The following CDK12 variants were observed in gnomAD, a reference collection of about 807,000 sequenced individuals.
CDK12 encodes cyclin-dependent kinase 12.
In CDK12, 17 loss-of-function variants were observed where a neutral mutation model predicts 133.8. That is an observed-to-expected ratio of 0.13 (90% CI 0.09 to 0.19). The LOEUF (loss-of-function observed/expected upper bound fraction) is 0.19, where lower values mean the gene tolerates loss of function less well. CDK12 is among the 10% of genes least tolerant of loss of function. CDK12 has a pLI of 1.00. For missense variants in CDK12, 1,508 were observed against 1,818.7 expected, an observed-to-expected ratio of 0.83 and a Z score of 3.11; for synonymous variants, 694 against 683.6, an observed-to-expected ratio of 1.02 and a Z score of -0.24.
chr17:39,492,157 C>T (rs1164012131), intron 3 of CDK12, among the ~76,000 whole-genome samples: 4 of 146,076 alleles, frequency 2.7e-5, no homozygotes, highest in Non-Finnish European at 3.0e-5. Flanking sequence ...AGTGCAATGG[C>T]GTGACCTTGG....
intron 7 of CDK12, 115 bp downstream of exon 7, chr17:39,509,876 C>T (rs990057468): frequency 1.3e-6 from 1 of 776,024 alleles, no homozygotes; most frequent in Non-Finnish European, 2.2e-6. Context: ...TCTCAGCTCG[C>T]TGCAGCCTCA....
downstream of CDK12, chr17:39,534,919 T>C (rs1186662685): frequency 6.6e-6 from 1 of 152,388 alleles, no homozygotes; most frequent in African/African-American, 2.4e-5. Context: ...AGAGGCTGTT[T>C]AGACCCAAAG....
At chr17:39,526,621 A>G (rs1416089482) in intron 13 of CDK12, among the ~76,000 whole-genome samples, 1 of 152,184 alleles carries the variant, frequency 6.6e-6, no homozygotes. Context: ...ATCTTGAACC[A>G]CACATCTTGA....
intron 8 of CDK12, among the ~76,000 whole-genome samples, chr17:39,514,877 C>G (rs1426879301): frequency 3.3e-5 from 5 of 152,110 alleles, no homozygotes; most frequent in African/African-American, 1.2e-4. Flanking sequence ...AATCCCTTTC[C>G]TCTACCCGTA....
chr17:39,498,232 GT>G (rs1200616730), intron 5 of CDK12, among the ~76,000 whole-genome samples: 4 of 145,290 alleles, frequency 2.8e-5, no homozygotes, highest in Admixed American at 6.9e-5. Flanking sequence ...GTTTTATTTT[GT>G]TTTTTTTTTG....
At chr17:39,536,266 A>G (rs184551755), downstream of CDK12, among the ~76,000 whole-genome samples, 1 of 152,316 alleles carries the variant, frequency 6.6e-6, no homozygotes, top group African/African-American at 2.4e-5. Context: ...TTGATTGCTT[A>G]ACCCTACCAG....
chr17:39,470,846 C>T lies in CDK12; in HGVS notation c.1047-33C>T, dbSNP rs768678277. 9 of 1,545,630 alleles carry T rather than the reference C, an allele frequency of 5.8e-6. No homozygotes were observed. In the East Asian group the frequency reaches 9.0e-5, roughly 15 times the overall value. On this transcript the variant is annotated intron_variant, in intron 1 of 13. Transcript: ENST00000447079. ...TTTTCCTCCATATACTACTGTAGTCCATTCATTTAAAACTGGCTTTTTATT... is the reference window on the plus strand; with the variant it reads ...TTTTCCTCCATATACTACTGTAGTCTATTCATTTAAAACTGGCTTTTTATT...
chr17:39,480,073 G>A (rs2050519256), intron 2 of CDK12, among the ~76,000 whole-genome samples: 1 of 151,586 alleles, frequency 6.6e-6, no homozygotes, highest in African/African-American at 2.4e-5. Context: ...ATAGGCCCCC[G>A]CCATCACGCC....
upstream of CDK12, among the ~76,000 whole-genome samples, chr17:39,548,637 C>T (rs561718396): frequency 5.3e-5 from 8 of 152,328 alleles, no homozygotes; most frequent in South Asian, 1.7e-3. Flanking sequence ...TTTGCAGCCT[C>T]AGTGGCTGGA....
chr17:39,462,233 G>A lies in CDK12; in HGVS notation c.162G>A (p.Gly54=), dbSNP rs767753760. 9.9e-6 allele frequency: 16 copies of A among 1,614,102 alleles called. No homozygotes were observed. Among genetic ancestry groups the A allele is most frequent in the Non-Finnish European group, 1.3e-5 (15 of 1,180,050 alleles). Residue 54 remains glycine (G), a synonymous_variant, in exon 1 of 14, where the codon GGG becomes GGA. Transcript: ENST00000447079. ...RHKSKHSKDM[G]LVTPEAASLG... is the part of the protein sequence containing the mutation. ...AGTCCAAACACTCCAAAGACATGGG[G>A]TTGGTGACCCCCGAAGCAGCATCCC... is the stretch of plus-strand genomic sequence containing the variant.
intron 11 of CDK12, among the ~76,000 whole-genome samples, chr17:39,522,347 A>C (rs1176392351): frequency 6.6e-6 from 1 of 152,130 alleles, no homozygotes; most frequent in Non-Finnish European, 1.5e-5. Flanking sequence ...TCGGCCTCCG[A>C]AAGTGCTGGG....
At position 39,524,750 on chromosome 17, in the gene CDK12, G is replaced by A. The variant is rs1225789669; in HGVS notation, c.3172G>A (p.Glu1058Lys). The A allele has an allele frequency of 3.7e-6, 6 of 1,614,042 alleles. No homozygotes were observed. The highest frequency in any genetic ancestry group is 1.7e-5 in the Admixed American group (1 of 59,998). Residue 1058 changes from glutamate to lysine, a missense_variant, in exon 12 of 14, where the codon GAA becomes AAA. Around this residue, in one of 9 missense-constraint regions of CDK12, gnomAD observed 399 missense variants for 469.6 expected, o/e 0.85. Coordinates refer to ENST00000447079, the MANE Select transcript of CDK12 (RefSeq NM_016507.4). ...RRQRQSGVVV[E>K]EPPPSKTSRK... ...TCAGCGACAAAGTGGTGTTGTAGTCGAAGAGCCACCTCCATCCAAAACTTC... is the reference window on the plus strand; with the variant it reads ...TCAGCGACAAAGTGGTGTTGTAGTCAAAGAGCCACCTCCATCCAAAACTTC...
chr17:39,518,631 TC>T (rs1036747664), intron 10 of CDK12, among the ~76,000 whole-genome samples: 65 of 151,864 alleles, frequency 4.3e-4, no homozygotes, highest in African/African-American at 1.5e-3. Flanking sequence ...CGATCTTGGC[TC>T]ACCACAACCT....
chr17:39,537,730 T>C (rs2055204868), downstream of CDK12, among the ~76,000 whole-genome samples: 1 of 151,788 alleles, frequency 6.6e-6, no homozygotes, highest in Non-Finnish European at 1.5e-5. Flanking sequence ...GCCCAGCTAA[T>C]TTTTTGTATT....
intron 10 of CDK12, among the ~76,000 whole-genome samples, chr17:39,518,323 C>T (rs373854055): frequency 8.7e-5 from 13 of 150,038 alleles, no homozygotes; most frequent in East Asian, 6.0e-4. Context: ...CCCGCCACCA[C>T]ACCTGGCATT....
chr17:39,518,247 G>C (rs2053935571), intron 10 of CDK12, among the ~76,000 whole-genome samples: 1 of 152,052 alleles, frequency 6.6e-6, no homozygotes, highest in African/African-American at 2.4e-5. Flanking sequence ...AAAGTGCTGG[G>C]ATTATAGGCG....
Position 39,490,623 on chromosome 17 carries a change from C to A in CDK12, c.1998C>A (p.Leu666=). The change falls in exon 3 of 14, where the codon CTC becomes CTA. Residue 666 remains leucine (L), a synonymous_variant. Coordinates refer to ENST00000447079, the MANE Select transcript of CDK12 (RefSeq NM_016507.4). ...AGGAACAGAGGACACGTCACTTACT[C>A]ACAGACCTTCCTCTCCCTCCAGAGC... ...KEKEQRTRHL[L]TDLPLPPELP... The A allele has an allele frequency of 6.2e-7, 1 of 1,613,582 alleles. No homozygotes were observed. The highest frequency in any genetic ancestry group is 8.5e-7 in the Non-Finnish European group (1 of 1,179,580).
intron 2 of CDK12, among the ~76,000 whole-genome samples, chr17:39,484,947 G>T (rs2050993258): frequency 6.6e-6 from 1 of 152,092 alleles, no homozygotes; most frequent in South Asian, 2.1e-4. Context: ...GAGGCGGGCG[G>T]ATCACGAGGT....
At chr17:39,467,853 CGTT>C (rs948981995) in intron 1 of CDK12, among the ~76,000 whole-genome samples, 50 of 151,386 alleles carry the variant, frequency 3.3e-4, no homozygotes, top group African/African-American at 1.1e-3. Context: ...TTCATGTTTG[CGTT>C]GTTGTTTTTT....
Sources: gnomAD v4.1 joint callset for allele counts (sites outside exome capture counted in the v4.1 genomes callset) on GRCh38, gnomAD v4.1.1 for gene constraint, gnomAD v4.1.1 regional missense constraint, MANE v1.5 for transcripts, NCBI Gene and HGNC (gene_info 2026-07-23, HGNC 2026-07-21) for gene names.